Variants in ADCY9 observed in about 807,000 individuals in gnomAD.
The protein encoded by ADCY9 is adenylate cyclase type 9.
Under a neutral mutation model 101.5 loss-of-function variants are expected in ADCY9, and 50 were observed. That is an observed-to-expected ratio of 0.49 (90% CI 0.39 to 0.62). ADCY9 has a LOEUF of 0.62. Ranked by LOEUF, ADCY9 falls within the 20% of genes least tolerant of loss-of-function variation. The pLI is 0.00. For missense variants in ADCY9, 1,662 were observed against 1,800.4 expected, an observed-to-expected ratio of 0.92 and a Z score of 1.39; for synonymous variants, 905 against 769.3, an observed-to-expected ratio of 1.18 and a Z score of -2.92.
rs369371547 is a variant in ADCY9, at chr16:3,996,415, T to G, written c.1885-2905A>C. Among the ~76,000 whole-genome samples the G allele has an allele frequency of 6.2e-4, 94 of 152,268 alleles. 3 individuals are homozygous for G. In the South Asian group the frequency reaches 0.019, roughly 31 times the overall value. On this transcript the variant is annotated intron_variant, in intron 3 of 10. Coordinates refer to ENST00000294016, the MANE Select transcript of ADCY9 (RefSeq NM_001116.4). ...ATATATTTGCCAATGAGACCACTGC[T>G]CTTATTAAATGTAAAAAAATCTAAC...
At chr16:4,057,017 G>A (rs966089369) in intron 2 of ADCY9, among the ~76,000 whole-genome samples, 8 of 133,616 alleles carry the variant, frequency 6.0e-5, no homozygotes, top group Non-Finnish European at 9.2e-5. Flanking sequence ...GTTCTTTCAG[G>A]TAACCTGTAC....
rs77062317 is a variant in ADCY9 at position 3,979,426 on chromosome 16, T to C, written c.2520-151A>G. Reference sequence around the variant, plus strand: ...TGAGAGCAGGCGTGGGGTGGGAGTCTACCTCCCTCACTTTTGGTAGAAGGC... The same window carrying C: ...TGAGAGCAGGCGTGGGGTGGGAGTCCACCTCCCTCACTTTTGGTAGAAGGC... On this transcript the variant is annotated intron_variant, in intron 7 of 10. Coordinates refer to ENST00000294016, the MANE Select transcript of ADCY9 (RefSeq NM_001116.4). 3.0e-5 allele frequency: 26 copies of C among 872,368 alleles called. No individual in the cohort carries two copies. The East Asian group carries it at 4.3e-4, about 14-fold the overall frequency. 54.0% of individuals were successfully genotyped at this position (872,368 alleles called of 1,614,324 possible). A position where few individuals can be genotyped will look rare whatever the true frequency, so the allele number is the denominator to read the frequency against.
At chr16:4,083,827 C>T (rs1378923717) in intron 2 of ADCY9, among the ~76,000 whole-genome samples, 1 of 152,166 alleles carries the variant, frequency 6.6e-6, no homozygotes, top group East Asian at 1.9e-4. Flanking sequence ...AGACAGAAAG[C>T]AGCTTAGGGG....
At chr16:4,066,248 A>T (rs1159637075) in intron 2 of ADCY9, among the ~76,000 whole-genome samples, 1 of 152,214 alleles carries the variant, frequency 6.6e-6, no homozygotes, top group Non-Finnish European at 1.5e-5. Context: ...TAGTTCTAAT[A>T]TATAATTCTC....
intron 2 of ADCY9, among the ~76,000 whole-genome samples, chr16:4,022,920 T>A (rs2056487746): frequency 6.6e-6 from 1 of 152,222 alleles, no homozygotes; most frequent in African/African-American, 2.4e-5. Flanking sequence ...CTATTCTAAA[T>A]CCTACTAACA....
chr16:3,983,648 G>T, intron 6 of ADCY9: 1 of 583,394 alleles, frequency 1.7e-6, no homozygotes, highest in Non-Finnish European at 3.0e-6. Context: ...TGCCCAGGGG[G>T]CTGGGCACGG....
At chr16:3,995,608 T>A (rs969086119) in intron 3 of ADCY9, among the ~76,000 whole-genome samples, 58 of 152,064 alleles carry the variant, frequency 3.8e-4, no homozygotes, top group East Asian at 1.9e-3. Context: ...AATATATTTT[T>A]TTTTTTTTTT....
At chr16:4,058,020 G>A (rs755887318) in intron 2 of ADCY9, among the ~76,000 whole-genome samples, 21 of 151,530 alleles carry the variant, frequency 1.4e-4, no homozygotes, top group Non-Finnish European at 2.2e-4. Context: ...TTAGCCAGGC[G>A]TGGTGGTGGG....
intron 2 of ADCY9, among the ~76,000 whole-genome samples, chr16:4,028,021 C>A (rs1392113159): frequency 6.6e-6 from 1 of 151,954 alleles, no homozygotes; most frequent in Non-Finnish European, 1.5e-5. Flanking sequence ...GTGGGAGTCA[C>A]AATTCAAGAT....
At chr16:3,960,508 C>G (rs1202856781), downstream of ADCY9, among the ~76,000 whole-genome samples, 1 of 152,048 alleles carries the variant, frequency 6.6e-6, no homozygotes, top group Non-Finnish European at 1.5e-5. Flanking sequence ...GGCGAGAGAG[C>G]CAGACTCTGT....
chr16:3,955,682 G>A (rs1430316983), intron 5 of ADCY9, among the ~76,000 whole-genome samples: 1 of 151,872 alleles, frequency 6.6e-6, no homozygotes, highest in Non-Finnish European at 1.5e-5. Context: ...CAGAGTAACT[G>A]GGATTATAGG....
chr16:4,022,645 T>C (rs931521039), intron 2 of ADCY9, among the ~76,000 whole-genome samples: 10 of 150,906 alleles, frequency 6.6e-5, no homozygotes, highest in African/African-American at 2.2e-4. Flanking sequence ...AAGGAGAAAA[T>C]AGGCCAGAGC....
At chr16:3,983,931 A>T (rs189296951) in intron 6 of ADCY9, 352 of 155,876 alleles carry the variant, frequency 2.3e-3, no homozygotes, top group Admixed American at 5.1e-3. Context: ...TCTACCAAAA[A>T]ATAAAATAAT....
chr16:4,002,258 T>C (rs1355927267), intron 3 of ADCY9, among the ~76,000 whole-genome samples: 1 of 152,208 alleles, frequency 6.6e-6, no homozygotes. Context: ...CTATAAAATA[T>C]GAAATCATTT....
chr16:3,968,691 G>A (rs2056020894), intron 10 of ADCY9, among the ~76,000 whole-genome samples: 2 of 152,110 alleles, frequency 1.3e-5, no homozygotes, highest in Non-Finnish European at 2.9e-5. Flanking sequence ...GCCCGAGTCT[G>A]TCTTTTCTTA....
chr16:4,100,093 G>A (rs367638547), intron 2 of ADCY9, among the ~76,000 whole-genome samples: 2 of 152,084 alleles, frequency 1.3e-5, no homozygotes, highest in Non-Finnish European at 1.5e-5. Context: ...TTTCCCCCAT[G>A]CTGTTCTCGT....
At chr16:3,960,345 C>G (rs532295140), downstream of ADCY9, among the ~76,000 whole-genome samples, 3 of 152,256 alleles carry the variant, frequency 2.0e-5, no homozygotes, top group African/African-American at 7.2e-5. Flanking sequence ...CGTGGTGAAA[C>G]TCTGTCTCTA....
intron 10 of ADCY9, among the ~76,000 whole-genome samples, chr16:3,969,507 G>A (rs1156474263): frequency 1.4e-5 from 2 of 140,616 alleles, no homozygotes; most frequent in African/African-American, 5.2e-5. Context: ...CCAAAGTGCT[G>A]GGATTACAGG....
intron 2 of ADCY9, among the ~76,000 whole-genome samples, chr16:4,009,927 G>A (rs1295504152): frequency 6.6e-6 from 1 of 152,196 alleles, no homozygotes; most frequent in African/African-American, 2.4e-5. Flanking sequence ...CCTGAGTGTG[G>A]CCCACAAGTC....
Sources: allele counts gnomAD v4.1 joint callset (sites outside exome capture counted in the v4.1 genomes callset), GRCh38; gene constraint gnomAD v4.1.1; transcripts MANE v1.5; gene names NCBI Gene and HGNC (gene_info 2026-07-23, HGNC 2026-07-21).